The following TRIP4 variants were observed in gnomAD, a reference collection of about 807,000 sequenced individuals.
TRIP4 encodes activating signal cointegrator 1.
TRIP4 carries 54 observed loss-of-function variants against 81.8 expected under a neutral mutation model. The ratio of observed to expected loss-of-function variants is 0.66; its 90% CI spans 0.53 to 0.83. TRIP4 has a LOEUF of 0.83. TRIP4 is among the 40% of genes least tolerant of loss of function. The pLI is 0.00. For missense variants in TRIP4, 662 were observed against 683.6 expected (o/e 0.97, Z 0.35); for synonymous variants, 270 against 242.8 (o/e 1.11, Z -1.04).
chr15:64,447,909 A>G (rs1342907774), intron 12 of TRIP4, among the ~76,000 whole-genome samples: 1 of 152,082 alleles, frequency 6.6e-6, no homozygotes, highest in African/African-American at 2.4e-5. Flanking sequence ...ATGAGGTCTC[A>G]CTATGTTGCC....
At chr15:64,428,941 A>G (rs1892209527) in intron 11 of TRIP4, among the ~76,000 whole-genome samples, 1 of 152,110 alleles carries the variant, frequency 6.6e-6, no homozygotes, top group African/African-American at 2.4e-5. Context: ...GTTTAAGGGT[A>G]GCATATGAAT....
intron 9 of TRIP4, among the ~76,000 whole-genome samples, chr15:64,420,570 C>G (rs1891990415): frequency 6.7e-6 from 1 of 150,334 alleles, no homozygotes; most frequent in South Asian, 2.1e-4. Context: ...GTCGCCCTAG[C>G]TGGAGTGCAG....
intron 11 of TRIP4, among the ~76,000 whole-genome samples, chr15:64,427,391 A>T (rs1392765902): frequency 2.0e-5 from 3 of 151,236 alleles, no homozygotes; most frequent in East Asian, 1.9e-4. Context: ...CTCTTTATTT[A>T]TTTTTTTTGG....
At chr15:64,402,050 A>G (rs1462340353) in intron 5 of TRIP4, among the ~76,000 whole-genome samples, 2 of 152,224 alleles carry the variant, frequency 1.3e-5, no homozygotes, top group Non-Finnish European at 2.9e-5. Context: ...TAGTCTGTCT[A>G]TAGTATTATA....
At chr15:64,426,937 T>C (rs2053873007) in intron 11 of TRIP4, among the ~76,000 whole-genome samples, 1 of 151,456 alleles carries the variant, frequency 6.6e-6, no homozygotes, top group Admixed American at 6.6e-5. Context: ...AAGGCAGAGG[T>C]TGCAGTAAGC....
chr15:64,392,224 G>C (rs896303665), intron 1 of TRIP4, among the ~76,000 whole-genome samples: 5 of 151,920 alleles, frequency 3.3e-5, no homozygotes, highest in Non-Finnish European at 7.4e-5. Context: ...CTTGAACCTG[G>C]GAGATGGAGT....
At position 64,409,605 on chromosome 15, in the gene TRIP4, T is replaced by G; in HGVS notation, c.828-8T>G. The stretch of plus-strand genomic sequence containing the variant: ...TGACCTAATTACCATGTGTTCCCTT[T>G]TTCTCAGTATTCGAAGGACCCAAGT... On this transcript the variant is annotated splice_polypyrimidine_tract_variant and splice_region_variant and intron_variant, in intron 6 of 12. Coordinates refer to ENST00000261884, the MANE Select transcript of TRIP4 (RefSeq NM_016213.5). The G allele has an allele frequency of 6.2e-7, 1 of 1,613,706 alleles. No individual in the cohort carries two copies. The highest frequency in any genetic ancestry group is 8.5e-7 in the Non-Finnish European group (1 of 1,179,718).
At chr15:64,416,827 G>A (rs533344279) in intron 8 of TRIP4, among the ~76,000 whole-genome samples, 3 of 152,172 alleles carry the variant, frequency 2.0e-5, no homozygotes, top group Admixed American at 6.6e-5. Flanking sequence ...TTGTAAAAAT[G>A]TGTATTTTTA....
At chr15:64,396,124 G>T (rs115754694) in intron 3 of TRIP4, among the ~76,000 whole-genome samples, 1,976 of 152,064 alleles carry the variant, frequency 0.013, 32 homozygotes, top group African/African-American at 0.046. Context: ...GCCCAAGCTG[G>T]TCTTGAGCTG....
At chr15:64,420,962 G>T (rs546089597) in intron 9 of TRIP4, among the ~76,000 whole-genome samples, 45 of 152,170 alleles carry the variant, frequency 3.0e-4, no homozygotes, top group African/African-American at 1.0e-3. Flanking sequence ...CGCATGTGCT[G>T]CATAACGACT....
intron 1 of TRIP4, among the ~76,000 whole-genome samples, chr15:64,390,160 T>A (rs1555408494): frequency 1.4e-5 from 2 of 145,508 alleles, no homozygotes; most frequent in Non-Finnish European, 3.0e-5. Flanking sequence ...AATACAGTAT[T>A]AAAAAAAAAA....
chr15:64,418,742 T>G lies in TRIP4; in HGVS notation c.1358+14T>G. On this transcript the variant is annotated intron_variant, in intron 9 of 12. Transcript: ENST00000261884. ...AGGGATTAAAAGGTAAGAATAAAAA[T>G]GAATCTGGGCAGTGGAAGATCTTAG... is the stretch of plus-strand genomic sequence containing the variant. 6.3e-7 allele frequency: 1 copy of G among 1,599,224 alleles called. No individual in the cohort carries two copies. The highest frequency in any genetic ancestry group is 8.5e-7 in the Non-Finnish European group (1 of 1,173,788).
chr15:64,444,149 C>T (rs964138788), intron 11 of TRIP4, among the ~76,000 whole-genome samples: 3 of 152,138 alleles, frequency 2.0e-5, no homozygotes, highest in Non-Finnish European at 4.4e-5. Flanking sequence ...ATACTTTTTA[C>T]GGTAGTTACT....
intron 7 of TRIP4, among the ~76,000 whole-genome samples, chr15:64,412,554 CT>C (rs769389347): frequency 0.041 from 2,177 of 53,718 alleles, 26 homozygotes; most frequent in Middle Eastern, 0.1. Flanking sequence ...TTGAAAGCCT[CT>C]TTAAAAAAAA....
Position 64,393,955 on chromosome 15 carries a change from G to C in TRIP4, c.111G>C (p.Leu37Phe), listed in dbSNP as rs780251632. 3.2e-6 allele frequency: 5 copies of C among 1,585,670 alleles called. No individual in the cohort carries two copies. The highest frequency in any genetic ancestry group is 3.4e-6 in the Non-Finnish European group (4 of 1,168,814). Reference sequence around the variant, plus strand: ...ATCTTTGCCTCCTGAGGTACGTTTTGTCAATTGAGAGTGCTGAAGAGATAC... The same window carrying C: ...ATCTTTGCCTCCTGAGGTACGTTTTCTCAATTGAGAGTGCTGAAGAGATAC... ...DVSEEIIQYV[L>F]SIESAEEIRE... Residue 37 changes from leucine to phenylalanine, a missense_variant, in exon 2 of 13, where the codon TTG (leucine) becomes TTC (phenylalanine). Leu to Phe is a conservative substitution (Grantham distance 22). Coordinates refer to ENST00000261884, the MANE Select transcript of TRIP4 (RefSeq NM_016213.5).
chr15:64,431,755 A>G (rs546349332), intron 11 of TRIP4, among the ~76,000 whole-genome samples: 3 of 150,424 alleles, frequency 2.0e-5, no homozygotes, highest in Non-Finnish European at 4.4e-5. Context: ...TTTCTAGATC[A>G]AAACAGACTG....
In TRIP4 at chr15:64,397,777, G is replaced by A. The variant is rs1900337238; in HGVS notation, c.577G>A (p.Glu193Lys). ...NCLICGRIVC[E>K]QEGSGPCLFC... is the part of the protein sequence containing the mutation. ...TCTGATCTGTGGGCGCATTGTCTGT[G>A]AACAAGAAGGCTCAGGCCCTTGCTT... Residue 193 changes from glutamate to lysine, a missense_variant, in exon 4 of 13, where the codon GAA (glutamate) becomes AAA (lysine). Coordinates refer to ENST00000261884, the MANE Select transcript of TRIP4 (RefSeq NM_016213.5). 6.2e-7 allele frequency: 1 copy of A among 1,614,236 alleles called. No homozygotes were observed. The highest frequency in any genetic ancestry group is 1.3e-5 in the African/African-American group (1 of 75,078).
chr15:64,452,778 C>G (rs554806824), intron 12 of TRIP4, among the ~76,000 whole-genome samples: 17 of 152,078 alleles, frequency 1.1e-4, no homozygotes, highest in Non-Finnish European at 2.4e-4. Context: ...TTGGAAGGAA[C>G]CTTCAGTATT....
In TRIP4 at chr15:64,389,874, G is replaced by A. The variant is rs1900069570; in HGVS notation, c.101+1910G>A. 2.0e-5 allele frequency among the ~76,000 whole-genome samples: 3 copies of A among 150,184 alleles called. No individual in the cohort carries two copies. The South Asian group carries it at 6.3e-4, about 31-fold the overall frequency. ...GCACCACCATGCCTGGCTAATTTTT[G>A]TATTCTTACTAGAGATGGGGTTTCA... On this transcript the variant is annotated intron_variant, in intron 1 of 12. Coordinates refer to ENST00000261884, the MANE Select transcript of TRIP4 (RefSeq NM_016213.5).
Sources: gnomAD v4.1 joint callset for allele counts (sites outside exome capture counted in the v4.1 genomes callset) on GRCh38, gnomAD v4.1.1 for gene constraint, MANE v1.5 for transcripts, NCBI Gene and HGNC (gene_info 2026-07-23, HGNC 2026-07-21) for gene names.